GALNT13: variants seen among roughly 807,000 people sequenced by gnomAD.
GALNT13 encodes polypeptide N-acetylgalactosaminyltransferase 13.
GALNT13 carries 28 observed loss-of-function variants against 64.2 expected under a neutral mutation model. The ratio of observed to expected loss-of-function variants is 0.44; its 90% confidence interval spans 0.32 to 0.60. The LOEUF (loss-of-function observed/expected upper bound fraction) is 0.60, where lower values mean the gene tolerates loss of function less well. Among genes scored for constraint, GALNT13 ranks in the 20% least tolerant of loss-of-function variants. GALNT13 has a pLI of 0.05. For synonymous variants in GALNT13, 214 were observed against 224.6 expected, an observed-to-expected ratio of 0.95 and a Z score of 0.42; for missense variants, 577 against 669.8, an observed-to-expected ratio of 0.86 and a Z score of 1.53.
chr2:154,024,449 C>A (rs749576362), intron 3 of GALNT13, among the ~76,000 whole-genome samples: 1 of 152,172 alleles, frequency 6.6e-6, no homozygotes, highest in Non-Finnish European at 1.5e-5. Flanking sequence ...ATTTCGTCTT[C>A]CATCACTGAT....
the GALNT13 span, among the ~76,000 whole-genome samples, chr2:153,264,862 T>C: frequency 5.9e-5 from 9 of 152,130 alleles, no homozygotes; most frequent in Non-Finnish European, 7.3e-5. Context: ...AGGTGATGGG[T>C]TGATAGGAGC....
At chr2:153,740,468 G>A in the GALNT13 span, among the ~76,000 whole-genome samples, 2 of 151,862 alleles carry the variant, frequency 1.3e-5, no homozygotes, top group Non-Finnish European at 2.9e-5. Context: ...TTCATTAATT[G>A]CAAGCATATT....
At chr2:154,116,329 G>A (rs1681561984) in intron 3 of GALNT13, among the ~76,000 whole-genome samples, 1 of 152,152 alleles carries the variant, frequency 6.6e-6, no homozygotes, top group African/African-American at 2.4e-5. Context: ...GTAGAAACCT[G>A]GTGAGGCTGT....
At chr2:154,204,971 G>A (rs747622515) in intron 4 of GALNT13, among the ~76,000 whole-genome samples, 1 of 152,172 alleles carries the variant, frequency 6.6e-6, no homozygotes, top group Admixed American at 6.5e-5. Context: ...CTAACATAGT[G>A]TGCTCAGCAT....
the GALNT13 span, among the ~76,000 whole-genome samples, chr2:153,318,013 T>A: frequency 6.6e-6 from 1 of 152,060 alleles, no homozygotes; most frequent in African/African-American, 2.4e-5. Flanking sequence ...ATTATGGCTG[T>A]GCTATGTTAT....
At chr2:153,966,219 C>CTTTTTTTTTT (rs761961683) in intron 3 of GALNT13, among the ~76,000 whole-genome samples, 1 of 120,114 alleles carries the variant, frequency 8.3e-6, no homozygotes, top group African/African-American at 3.1e-5. Flanking sequence ...GGTTGGATTT[C>CTTTTTTTTTT]TTTTTTTTTT....
At chr2:154,030,902 A>G (rs1698293471) in intron 3 of GALNT13, among the ~76,000 whole-genome samples, 1 of 152,094 alleles carries the variant, frequency 6.6e-6, no homozygotes, top group Admixed American at 6.6e-5. Flanking sequence ...TTTCTTCATA[A>G]ATTACCCAGT....
chr2:153,919,616 A>T (rs542934781), intron 2 of GALNT13, among the ~76,000 whole-genome samples: 4 of 152,124 alleles, frequency 2.6e-5, no homozygotes, highest in Admixed American at 6.6e-5. Context: ...GGAGCATATT[A>T]TGTACTCAAA....
chr2:153,349,994 G>A, the GALNT13 span, among the ~76,000 whole-genome samples: 1 of 152,074 alleles, frequency 6.6e-6, no homozygotes, highest in African/African-American at 2.4e-5. Context: ...TCTAGCACTG[G>A]GCCGAACCTC....
At chr2:153,699,493 G>C in the GALNT13 span, among the ~76,000 whole-genome samples, 2 of 151,970 alleles carry the variant, frequency 1.3e-5, no homozygotes, top group African/African-American at 4.8e-5. Context: ...TAAGGTCAGA[G>C]CAGAACTCAC....
chr2:153,246,077 A>C, the GALNT13 span, among the ~76,000 whole-genome samples: 7 of 151,682 alleles, frequency 4.6e-5, no homozygotes, highest in South Asian at 1.5e-3. Context: ...TGCTGAAATA[A>C]AGTGTGAAGA....
At chr2:153,219,972 T>C in the GALNT13 span, among the ~76,000 whole-genome samples, 1 of 152,248 alleles carries the variant, frequency 6.6e-6, no homozygotes, top group African/African-American at 2.4e-5. Flanking sequence ...ACTAGTTTTA[T>C]GTAAAAACTT....
chr2:153,770,203 T>C, the GALNT13 span, among the ~76,000 whole-genome samples: 2 of 126,736 alleles, frequency 1.6e-5, no homozygotes, highest in Non-Finnish European at 3.2e-5. Flanking sequence ...CTCCTCTGGA[T>C]AATTTATCTC....
intron 4 of GALNT13, among the ~76,000 whole-genome samples, chr2:154,147,958 T>C (rs1683722497): frequency 6.6e-6 from 1 of 151,964 alleles, no homozygotes; most frequent in Non-Finnish European, 1.5e-5. Context: ...AGGGTACATG[T>C]ACACAATGTG....
At chr2:153,944,932 G>A (rs1691605537) in intron 3 of GALNT13, among the ~76,000 whole-genome samples, 1 of 152,026 alleles carries the variant, frequency 6.6e-6, no homozygotes, top group African/African-American at 2.4e-5. Flanking sequence ...GTTCAAACTG[G>A]GCAGAATTTT....
At chr2:153,076,731 T>G in the GALNT13 span, among the ~76,000 whole-genome samples, 1 of 152,142 alleles carries the variant, frequency 6.6e-6, no homozygotes, top group Non-Finnish European at 1.5e-5. Context: ...CTCATTATAC[T>G]CTAAGTTTCC....
At chr2:153,719,452 G>A in the GALNT13 span, among the ~76,000 whole-genome samples, 2 of 152,134 alleles carry the variant, frequency 1.3e-5, no homozygotes, top group Admixed American at 6.5e-5. Context: ...AATATGGGGG[G>A]AGGAGCCAAG....
chr2:153,382,957 G>A, the GALNT13 span, among the ~76,000 whole-genome samples: 4 of 151,810 alleles, frequency 2.6e-5, no homozygotes, highest in African/African-American at 9.7e-5. Flanking sequence ...CTTATAAAAA[G>A]TATTTTCTTT....
At chr2:153,782,555 T>C in the GALNT13 span, among the ~76,000 whole-genome samples, 8 of 152,198 alleles carry the variant, frequency 5.3e-5, no homozygotes, top group African/African-American at 1.4e-4. Flanking sequence ...AATGTAGTTA[T>C]GCAGTGAATG....
Sources: gnomAD v4.1 joint callset for allele counts (sites outside exome capture counted in the v4.1 genomes callset) on GRCh38, gnomAD v4.1.1 for gene constraint, MANE v1.5 for transcripts, NCBI Gene and HGNC (gene_info 2026-07-23, HGNC 2026-07-21) for gene names.